Variants in ABCC6 observed in about 807,000 individuals in gnomAD.
The protein encoded by ABCC6 is ATP binding cassette subfamily C member 6, also known as ATP-binding cassette sub-family C member 6.
A neutral mutation model predicts 169.5 loss-of-function variants in ABCC6; 126 were observed. That is an observed-to-expected ratio of 0.74 (90% confidence interval 0.64 to 0.86). The LOEUF is 0.86. ABCC6 is among the 40% of genes least tolerant of loss of function. The pLI, the probability that ABCC6 is intolerant of heterozygous loss-of-function variation, is 0.00. For synonymous variants in ABCC6, 752 were observed against 814.7 expected (o/e 0.92, Z 1.31); for missense variants, 1,733 against 1,927.2 (o/e 0.90, Z 1.89).
intron 20 of ABCC6, among the ~76,000 whole-genome samples, chr16:16,174,741 A>G (rs781383202): frequency 3.1e-5 from 4 of 128,688 alleles, no homozygotes; most frequent in Admixed American, 8.7e-5. Flanking sequence ...TGGGCGACAG[A>G]GCAAGATTCT....
intron 22 of ABCC6, among the ~76,000 whole-genome samples, chr16:16,166,240 G>A (rs185786870): frequency 1.3e-5 from 2 of 152,168 alleles, no homozygotes; most frequent in Non-Finnish European, 2.9e-5. Flanking sequence ...GTAGAGATGG[G>A]ATCTTGCTAT....
chr16:16,198,902 G>A (rs1223068513), intron 9 of ABCC6, among the ~76,000 whole-genome samples: 1 of 152,076 alleles, frequency 6.6e-6, no homozygotes, highest in African/African-American at 2.4e-5. Flanking sequence ...GCTGAGGCAA[G>A]AGAATCGCTT....
chr16:16,183,898 G>T (rs1457478737), intron 15 of ABCC6, among the ~76,000 whole-genome samples: 1 of 151,980 alleles, frequency 6.6e-6, no homozygotes, highest in African/African-American at 2.4e-5. Context: ...CATTCCCACC[G>T]CCTAGAAGGT....
At chr16:16,150,459 TG>T in intron 30 of ABCC6, 118 bp downstream of exon 30, 1 of 1,503,496 alleles carries the variant, frequency 6.7e-7, no homozygotes, top group Non-Finnish European at 8.9e-7. Context: ...CCTCCCGCTC[TG>T]GCCCCATTCA....
intron 27 of ABCC6, chr16:16,155,847 C>A (rs765892284): frequency 1.3e-5 from 2 of 152,340 alleles, no homozygotes; most frequent in African/African-American, 4.8e-5. Flanking sequence ...GTGTGCCCAT[C>A]ATCCGGTCTA....
At chr16:16,167,492 C>T (rs554062904) in intron 22 of ABCC6, among the ~76,000 whole-genome samples, 53 of 152,298 alleles carry the variant, frequency 3.5e-4, no homozygotes, top group Middle Eastern at 6.8e-3. Context: ...TATTTTCAGA[C>T]GGAGTCCTGC....
At chr16:16,182,373 C>CA in intron 17 of ABCC6, 39 bp downstream of exon 17, 3 of 1,612,166 alleles carry the variant, frequency 1.9e-6, no homozygotes, top group Non-Finnish European at 2.5e-6. Flanking sequence ...CTCCCAACTG[C>CA]AATGTCTCCC....
At chr16:16,160,506 CA>C (rs2152220237) in intron 25 of ABCC6, among the ~76,000 whole-genome samples, 1 of 151,208 alleles carries the variant, frequency 6.6e-6, no homozygotes, top group African/African-American at 2.4e-5. Context: ...TGTCTCAAAA[CA>C]AAACAGCTGG....
chr16:16,169,905 G>C, intron 21 of ABCC6, 52 bp from the exon 22 acceptor site: 1 of 1,535,144 alleles, frequency 6.5e-7, no homozygotes. Context: ...AGTGGGAGGG[G>C]TGGGTTGAGG....
intron 26 of ABCC6, 124 bp from the exon 27 acceptor site, chr16:16,157,933 G>A: frequency 1.9e-6 from 2 of 1,065,248 alleles, no homozygotes; most frequent in Non-Finnish European, 2.6e-6. Flanking sequence ...TGTTTTACAG[G>A]GTTGTTATGG....
chr16:16,221,600 G>C lies in ABCC6; in HGVS notation c.219+49C>G, dbSNP rs535305727. ...TTCACCAGGTTCCAGCCTGTCCCCTGCCTCCCCCGAACATTGCCTGGTTCC... is the reference window on the plus strand; with the variant it reads ...TTCACCAGGTTCCAGCCTGTCCCCTCCCTCCCCCGAACATTGCCTGGTTCC... On this transcript the variant is annotated intron_variant, in intron 2 of 30. Coordinates refer to ENST00000205557, the MANE Select transcript of ABCC6 (RefSeq NM_001171.6). 20 of 1,603,334 alleles carry C rather than the reference G, an allele frequency of 1.2e-5. No homozygotes were observed. In the East Asian group the frequency reaches 3.6e-4, roughly 29 times the overall value.
intron 11 of ABCC6, among the ~76,000 whole-genome samples, chr16:16,190,894 AG>A: frequency 1.8e-5 from 1 of 56,682 alleles, no homozygotes; most frequent in Non-Finnish European, 3.3e-5. Flanking sequence ...GAGGGAGGGG[AG>A]GGGCTTGAGA....
intron 16 of ABCC6, 106 bp from the exon 17 acceptor site, chr16:16,182,694 GA>G: frequency 6.4e-7 from 1 of 1,564,504 alleles, no homozygotes. Context: ...GAGAGGTGGA[GA>G]GAATGAGTGA....
intron 7 of ABCC6, among the ~76,000 whole-genome samples, chr16:16,204,062 T>TC (rs2048323576): frequency 7.0e-6 from 1 of 143,276 alleles, no homozygotes; most frequent in Admixed American, 7.0e-5. Context: ...TTTCTTTTCC[T>TC]TTTTTTTTTT....
chr16:16,159,299 A>C (rs981138087), intron 26 of ABCC6, among the ~76,000 whole-genome samples, 183 bp downstream of exon 26: 11 of 152,178 alleles, frequency 7.2e-5, no homozygotes, highest in Non-Finnish European at 2.9e-5. Flanking sequence ...GCCTGGCTCC[A>C]AACCTTATGC....
intron 16 of ABCC6, 26 bp downstream of exon 16, chr16:16,182,778 A>T: frequency 6.2e-7 from 1 of 1,613,664 alleles, no homozygotes; most frequent in Non-Finnish European, 8.5e-7. Context: ...GGGACATCCT[A>T]GCAGACAGGC....
In ABCC6 at chr16:16,149,793, A is replaced by C; in HGVS notation, c.*340T>G. ...ACACAGCATGGCAGTTCCCAGCCTC[A>C]GAGATTCTGATTTAAGGGTCTAGCC... On this transcript the variant is annotated 3_prime_UTR_variant, in exon 31 of 31. Transcript: ENST00000205557. 1 of 451,676 alleles carries C rather than the reference A, an allele frequency of 2.2e-6. No homozygotes were observed. Among genetic ancestry groups the C allele is most frequent in the Non-Finnish European group, 4.1e-6 (1 of 243,996 alleles). 28.0% of individuals were successfully genotyped at this position (451,676 alleles called of 1,614,324 possible).
rs73524029 is a variant in ABCC6, at chr16:16,181,413, G to A, written c.2247+999C>T. Among the ~76,000 whole-genome samples, 1,195 of 152,042 alleles carry A rather than the reference G, an allele frequency of 7.9e-3. 12 individuals are homozygous for A. Among genetic ancestry groups the A allele is most frequent in the African/African-American group, 0.025 (1,043 of 41,440 alleles). The stretch of plus-strand genomic sequence containing the variant: ...TGTAGGGTGCACTAACAATAGTAGG[G>A]TGGCTGTGGTGGTAGATAAGGTGGT... On this transcript the variant is annotated intron_variant, in intron 17 of 30. Transcript: ENST00000205557.
At chr16:16,204,212 T>C (rs2048327183) in intron 7 of ABCC6, among the ~76,000 whole-genome samples, 1 of 152,062 alleles carries the variant, frequency 6.6e-6, no homozygotes, top group African/African-American at 2.4e-5. Context: ...AGTGCCACCA[T>C]ACCCAGCTAA....
Sources: allele counts gnomAD v4.1 joint callset (sites outside exome capture counted in the v4.1 genomes callset), GRCh38; gene constraint gnomAD v4.1.1; transcripts MANE v1.5; gene names NCBI Gene and HGNC (gene_info 2026-07-23, HGNC 2026-07-21).